COL1A2: variants seen among roughly 807,000 people sequenced by gnomAD.
COL1A2 encodes the protein collagen alpha-2(I) chain.
In COL1A2, 49 loss-of-function variants were observed where a neutral mutation model predicts 174.3. The observed-to-expected ratio is 0.28, with a 90% CI of 0.22 to 0.36. COL1A2 has a LOEUF of 0.36. Ranked by LOEUF, COL1A2 falls within the 10% of genes least tolerant of loss-of-function variation. COL1A2 has a pLI of 1.00. For synonymous variants in COL1A2, 655 were observed against 606.6 expected, an observed-to-expected ratio of 1.08 and a Z score of -1.17; for missense variants, 1,438 against 1,822.7, an observed-to-expected ratio of 0.79 and a Z score of 3.84.
chr7:94,405,594 A>G lies in COL1A2; in HGVS notation c.487-79A>G, dbSNP rs377486528. 61 of 1,323,012 alleles carry G rather than the reference A, an allele frequency of 4.6e-5. 1 individual carries two copies. In the East Asian group the frequency reaches 6.7e-4, roughly 14 times the overall value. The allele number at this position is 1,323,012 out of a possible 1,614,324, so 82.0% of individuals were successfully genotyped here. A position where few individuals can be genotyped will look rare whatever the true frequency, so the allele number is the denominator to read the frequency against. The stretch of plus-strand genomic sequence containing the variant: ...CAAAGCTTGAACTTTGATGAGAATA[A>G]ATACTTTGGAGGGAAGAAGTCACTG... On this transcript the variant is annotated intron_variant, in intron 10 of 51. Transcript: ENST00000297268.
Position 94,417,748 on chromosome 7 carries a change from G to A in COL1A2, c.1888G>A (p.Val630Met). The A allele has an allele frequency of 2.5e-6, 4 of 1,599,498 alleles. No individual in the cohort carries two copies. Among genetic ancestry groups the A allele is most frequent in the Non-Finnish European group, 3.4e-6 (4 of 1,172,838 alleles). ...GGGTGAACCTGGTGTGGTTGGTGCT[G>A]TGGGCACTGCTGGTCCATCTGGTCC... Reference protein sequence around the residue: ...NKGEPGVVGAVGTAGPSGPSG... With the variant: ...NKGEPGVVGAMGTAGPSGPSG... The change falls in exon 32 of 52, where the codon GTG (valine) becomes ATG (methionine). Residue 630 changes from valine to methionine, a missense_variant. Val to Met is a conservative substitution (Grantham distance 21). Around this residue, in one of 3 missense-constraint regions of COL1A2, gnomAD observed 867 missense variants for 1,213.7 expected, o/e 0.71. Coordinates refer to ENST00000297268, the MANE Select transcript of COL1A2 (RefSeq NM_000089.4).
rs1229856105 is a variant in COL1A2 at position 94,405,247 on chromosome 7, C to G, written c.481C>G (p.Pro161Ala). 1.2e-6 allele frequency: 2 copies of G among 1,613,730 alleles called. No individual in the cohort carries two copies. The highest frequency in any genetic ancestry group is 1.7e-6 in the Non-Finnish European group (2 of 1,179,868). ...ACCTGGTGAGAGAGGAGTTGTTGGA[C>G]CACAGGTGAGACTTTTTACATTGGT... ...GRPGERGVVG[P>A]QGARGFPGTP... Residue 161 changes from proline (P) to alanine (A), a missense_variant, in exon 10 of 52, where the codon CCA (proline) becomes GCA (alanine). This residue lies in a region of COL1A2 where 281 missense variants were observed against 310.9 expected (regional missense o/e 0.90). Coordinates refer to ENST00000297268, the MANE Select transcript of COL1A2 (RefSeq NM_000089.4).
At position 94,394,904 on chromosome 7, in the gene COL1A2, G is replaced by T. The variant is rs1226849479; in HGVS notation, c.-128G>T. ...CGGGCTTTATTATTTTAGCACCACG[G>T]CAGCAGGAGGTTTCGGCTAAGTTGG... is the stretch of plus-strand genomic sequence containing the variant. On this transcript the variant is annotated 5_prime_UTR_variant, in exon 1 of 52. Transcript: ENST00000297268. 1 of 773,034 alleles carries T rather than the reference G, an allele frequency of 1.3e-6. No homozygotes were observed. Among genetic ancestry groups the T allele is most frequent in the African/African-American group, 1.7e-5 (1 of 59,006 alleles). The allele number at this position is 773,034 out of a possible 1,614,324, so 47.9% of individuals were successfully genotyped here.
At position 94,404,454 on chromosome 7, in the gene COL1A2, C is replaced by A. The variant is rs574761782; in HGVS notation, c.280-102C>A. On this transcript the variant is annotated intron_variant, in intron 6 of 51. Coordinates refer to ENST00000297268, the MANE Select transcript of COL1A2 (RefSeq NM_000089.4). The stretch of plus-strand genomic sequence containing the variant: ...TTGGGAGGAATAAAAACTATGGAAT[C>A]AAACCACAACAATGGCACTGCTAAG... 4.3e-5 allele frequency: 53 copies of A among 1,243,478 alleles called. No homozygotes were observed. The East Asian group carries it at 1.2e-3, about 29-fold the overall frequency. 77.0% of individuals were successfully genotyped at this position (1,243,478 alleles called of 1,614,324 possible). A position where few individuals can be genotyped will look rare whatever the true frequency, so the allele number is the denominator to read the frequency against.
At chr7:94,397,837 G>A in intron 2 of COL1A2, 79 bp downstream of exon 2, 2 of 843,844 alleles carry the variant, frequency 2.4e-6, no homozygotes, top group Non-Finnish European at 3.9e-6. Context: ...TGGAAGGGAA[G>A]AAGTTACATT....
At position 94,427,171 on chromosome 7, in the gene COL1A2, G is replaced by T; in HGVS notation, c.3160-17G>T. ...GGATTCACCAGCTCACATGTACCTGGTGTCTGTCTTCCTTAGGGCCCTGCT... is the reference window on the plus strand; with the variant it reads ...GGATTCACCAGCTCACATGTACCTGTTGTCTGTCTTCCTTAGGGCCCTGCT... On this transcript the variant is annotated splice_polypyrimidine_tract_variant and intron_variant, in intron 47 of 51. Coordinates refer to ENST00000297268, the MANE Select transcript of COL1A2 (RefSeq NM_000089.4). The T allele has an allele frequency of 6.2e-7, 1 of 1,613,294 alleles. No individual in the cohort carries two copies. Among genetic ancestry groups the T allele is most frequent in the Non-Finnish European group, 8.5e-7 (1 of 1,179,378 alleles).
At position 94,426,432 on chromosome 7, in the gene COL1A2, G is replaced by A; in HGVS notation, c.3007G>A (p.Gly1003Ser). 1 of 1,596,958 alleles carries A rather than the reference G, an allele frequency of 6.3e-7. No individual in the cohort carries two copies. The highest frequency in any genetic ancestry group is 8.5e-7 in the Non-Finnish European group (1 of 1,171,762). Residue 1003 changes from glycine (G) to serine (S), a missense_variant, in exon 46 of 52, where the codon GGC becomes AGC. This residue lies in a region of COL1A2 where 867 missense variants were observed against 1,213.7 expected (regional missense o/e 0.71). Transcript: ENST00000297268. ...TTCTGTTTCTTTATAGGGCCCACAA[G>A]GCATTCGTGGCGATAAGGGAGAGCC... ...VGPRGPSGPQ[G>S]IRGDKGEPGE...
Position 94,428,369 on chromosome 7 carries a change from A to G in COL1A2, c.3603A>G (p.Glu1201=), listed in dbSNP as rs1309560999. The part of the protein sequence containing the change: ...IKVYCDFSTG[E]TCIRAQPENI... Reference sequence around the variant, plus strand: ...TATACTGTGATTTCTCTACTGGCGAAACCTGTATCCGGGCCCAACCTGAAA... The same window carrying G: ...TATACTGTGATTTCTCTACTGGCGAGACCTGTATCCGGGCCCAACCTGAAA... Residue 1201 remains glutamate, a synonymous_variant, in exon 50 of 52, where the codon GAA becomes GAG. Transcript: ENST00000297268. 6.2e-7 allele frequency: 1 copy of G among 1,614,130 alleles called. No homozygotes were observed. Among genetic ancestry groups the G allele is most frequent in the South Asian group, 1.1e-5 (1 of 91,078 alleles).
In COL1A2 at chr7:94,404,924, G is replaced by A. The variant is rs756207096; in HGVS notation, c.432+32G>A. On this transcript the variant is annotated intron_variant, in intron 9 of 51. Transcript: ENST00000297268. ...ATTTACTCTTAAGCACTTTCAAAATGCTATTTAAATACTCTTGCCTCAACA... is the reference window on the plus strand; with the variant it reads ...ATTTACTCTTAAGCACTTTCAAAATACTATTTAAATACTCTTGCCTCAACA... 1.7e-5 allele frequency: 28 copies of A among 1,612,012 alleles called. No individual in the cohort carries two copies. The South Asian group carries it at 3.0e-4, about 17-fold the overall frequency.
Position 94,430,714 on chromosome 7 carries a change from G to A in COL1A2, c.*321G>A. On this transcript the variant is annotated 3_prime_UTR_variant, in exon 52 of 52. Coordinates refer to ENST00000297268, the MANE Select transcript of COL1A2 (RefSeq NM_000089.4). ...ACCATAAACATTTGCACCACTTGTG[G>A]CTTTTGAATATCTTCCACAGAGGGA... 3.3e-6 allele frequency: 1 copy of A among 304,486 alleles called. No homozygotes were observed. 18.9% of individuals were successfully genotyped at this position (304,486 alleles called of 1,614,324 possible). A position where few individuals can be genotyped will look rare whatever the true frequency, so the allele number is the denominator to read the frequency against.
chr7:94,410,995 G>A (rs1791909164), intron 22 of COL1A2, 53 bp downstream of exon 22: 1 of 1,610,110 alleles, frequency 6.2e-7, no homozygotes, highest in East Asian at 2.2e-5. Flanking sequence ...TTCTGGTGGT[G>A]GGTGTGTCAT....
At chr7:94,423,405 A>T in intron 40 of COL1A2, 2 of 439,324 alleles carry the variant, frequency 4.6e-6, no homozygotes, top group Non-Finnish European at 8.4e-6. Flanking sequence ...ACAGAGTCCC[A>T]TTGCTGTGGC....
In COL1A2 at chr7:94,427,686, C is replaced by G. The variant is rs1334598271; in HGVS notation, c.3327C>G (p.Asp1109Glu). Residue 1109 changes from aspartate to glutamate, a missense_variant, in exon 49 of 52, where the codon GAC becomes GAG. Transcript: ENST00000297268. ...GPPGVSGGGY[D>E]FGYDGDFYRA... The stretch of plus-strand genomic sequence containing the variant: ...CAGGTGTAAGCGGTGGTGGTTATGA[C>G]TTTGGTTACGATGGAGACTTCTACA... 2 of 1,614,020 alleles carry G rather than the reference C, an allele frequency of 1.2e-6. No homozygotes were observed. The highest frequency in any genetic ancestry group is 1.7e-6 in the Non-Finnish European group (2 of 1,180,030).
intron 4 of COL1A2, 141 bp from the exon 5 acceptor site, chr7:94,400,055 T>C (rs1791657718): frequency 1.2e-6 from 1 of 823,902 alleles, no homozygotes; most frequent in East Asian, 2.4e-5. Context: ...TAAGTGAATT[T>C]CAATCAATGA....
In COL1A2 at chr7:94,409,260, A is replaced by T. The variant is rs1314036358; in HGVS notation, c.793-62A>T. The T allele has an allele frequency of 2.8e-6, 4 of 1,430,690 alleles. No individual in the cohort carries two copies. In the South Asian group the frequency reaches 4.6e-5, roughly 16 times the overall value. The allele number at this position is 1,430,690 out of a possible 1,614,324, so 88.6% of individuals were successfully genotyped here. On this transcript the variant is annotated intron_variant, in intron 16 of 51. Coordinates refer to ENST00000297268, the MANE Select transcript of COL1A2 (RefSeq NM_000089.4). ...GACATTTCATAAAACTTGGCATCTT[A>T]AAAACAGATATGCTGTTTCATTATT...
intron 49 of COL1A2, 107 bp from the exon 50 acceptor site, chr7:94,428,186 A>G (rs1001746580): frequency 1.9e-6 from 2 of 1,043,916 alleles, no homozygotes; most frequent in African/African-American, 3.1e-5. Context: ...TGGGGTAGAC[A>G]ATCAAAAATG....
chr7:94,402,068 T>C (rs2115867182), intron 6 of COL1A2, among the ~76,000 whole-genome samples: 1 of 152,286 alleles, frequency 6.6e-6, no homozygotes, highest in Admixed American at 6.5e-5. Flanking sequence ...CAACAAGTTC[T>C]ATCTAGTCCA....
intron 51 of COL1A2, 149 bp downstream of exon 51, chr7:94,429,579 G>A (rs1792358706): frequency 9.6e-6 from 7 of 728,552 alleles, no homozygotes; most frequent in South Asian, 1.9e-5. Context: ...TTCAGTTTTT[G>A]TATGTATTTT....
chr7:94,400,269 GC>G lies in COL1A2; in HGVS notation c.212del (p.Pro71LeufsTer25). ...CCTCCTGGTCCACCTGGTCCTCCTG[GC>G]CCCCCTGGTCTCGGTGGGGTAAGGT... is the stretch of plus-strand genomic sequence containing the variant. Reference protein sequence around the residue: ...TGPPGPPGPPGPPGLGGNFAA... With the variant: ...TGPPGPPGPPXPPGLGGNFAA... On this transcript the variant is annotated frameshift_variant, in exon 5 of 52. Coordinates refer to ENST00000297268, the MANE Select transcript of COL1A2 (RefSeq NM_000089.4). LOFTEE classifies it high-confidence loss of function. 6.2e-7 allele frequency: 1 copy of G among 1,613,022 alleles called. No individual in the cohort carries two copies.
Sources: allele counts gnomAD v4.1 joint callset (sites outside exome capture counted in the v4.1 genomes callset), GRCh38; gene constraint gnomAD v4.1.1; regional missense constraint gnomAD v4.1.1; transcripts MANE v1.5; gene names NCBI Gene and HGNC (gene_info 2026-07-23, HGNC 2026-07-21).